The following PTH2R variants were observed in gnomAD, a reference collection of about 807,000 sequenced individuals.
The protein encoded by PTH2R is parathyroid hormone 2 receptor.
Under a neutral mutation model 60.3 loss-of-function variants are expected in PTH2R, and 59 were observed. That is an observed-to-expected ratio of 0.98 (90% CI 0.79 to 1.22). The LOEUF (loss-of-function observed/expected upper bound fraction) is 1.22. Among genes scored for constraint, PTH2R ranks in the 50% most tolerant of loss-of-function variants. PTH2R has a pLI of 0.00. For synonymous variants in PTH2R, 256 were observed against 243.8 expected (o/e 1.05, Z -0.47); for missense variants, 749 against 682.6 (o/e 1.10, Z -1.08).
chr2:208,488,046 G>T (rs1265292878), intron 10 of PTH2R, among the ~76,000 whole-genome samples: 2 of 152,136 alleles, frequency 1.3e-5, no homozygotes, highest in Non-Finnish European at 2.9e-5. Context: ...ATAGCAGGAG[G>T]GGGGATCATG....
intron 1 of PTH2R, among the ~76,000 whole-genome samples, chr2:208,414,293 A>G (rs1701596471): frequency 6.6e-6 from 1 of 152,220 alleles, no homozygotes; most frequent in Non-Finnish European, 1.5e-5. Flanking sequence ...GTCAAAAGCA[A>G]CTAAAAGTGG....
At chr2:208,427,992 A>AT (rs949566943) in intron 1 of PTH2R, among the ~76,000 whole-genome samples, 2 of 151,846 alleles carry the variant, frequency 1.3e-5, no homozygotes, top group African/African-American at 2.4e-5. Context: ...CTGGTATGAG[A>AT]TTTTTTAAAA....
At chr2:208,474,379 G>A (rs1232047251) in intron 9 of PTH2R, among the ~76,000 whole-genome samples, 3 of 152,126 alleles carry the variant, frequency 2.0e-5, no homozygotes, top group Admixed American at 6.5e-5. Flanking sequence ...TCTTTCTGAC[G>A]CCATCATGAA....
intron 1 of PTH2R, among the ~76,000 whole-genome samples, chr2:208,369,567 T>C (rs986753559): frequency 6.6e-6 from 1 of 151,962 alleles, no homozygotes; most frequent in African/African-American, 2.4e-5. Context: ...GATTTCTCCA[T>C]GTTGGCCAGG....
In PTH2R at chr2:208,363,524, A is replaced by T. The variant is rs186148949; in HGVS notation, c.-259+3287A>T. On this transcript the variant is annotated intron_variant, in intron 1 of 12. Coordinates refer to the PTH2R transcript ENST00000617735. ...CAGAACAATTTACATTTCTTTGGGT[A>T]TATATCCAGTAATGGGGTTGCTAGG... is the stretch of plus-strand genomic sequence containing the variant. Among the ~76,000 whole-genome samples, 587 of 152,298 alleles carry T rather than the reference A, an allele frequency of 3.9e-3. 3 individuals carry two copies. The highest frequency in any genetic ancestry group is 9.4e-3 in the Admixed American group (144 of 15,304).
At chr2:208,450,848 G>T in intron 8 of PTH2R, 39 bp downstream of exon 8, 1 of 1,599,894 alleles carries the variant, frequency 6.3e-7, no homozygotes, top group Admixed American at 1.7e-5. Flanking sequence ...AACCTCAGAT[G>T]TTCTCAAGAC....
rs529786823 is a variant in PTH2R, at chr2:208,432,993, C to T, written c.179-4544C>T. Reference sequence around the variant, plus strand: ...AGAGACACCCAGAAACAGTACTTTGCCAACTATCTAGGCATCTTTCAATCC... The same window carrying T: ...AGAGACACCCAGAAACAGTACTTTGTCAACTATCTAGGCATCTTTCAATCC... On this transcript the variant is annotated intron_variant, in intron 2 of 12. Transcript: ENST00000272847. Among the ~76,000 whole-genome samples, 45 of 152,240 alleles carry T rather than the reference C, an allele frequency of 3.0e-4. No individual in the cohort carries two copies. The South Asian group carries it at 9.3e-3, about 32-fold the overall frequency.
intron 1 of PTH2R, among the ~76,000 whole-genome samples, chr2:208,418,153 A>G (rs937580344): frequency 6.6e-6 from 1 of 152,164 alleles, no homozygotes; most frequent in Non-Finnish European, 1.5e-5. Context: ...ATAGCTATCA[A>G]AAATAAAATA....
chr2:208,451,350 A>G (rs1022086871), intron 8 of PTH2R, among the ~76,000 whole-genome samples: 1 of 152,152 alleles, frequency 6.6e-6, no homozygotes, highest in Non-Finnish European at 1.5e-5. Flanking sequence ...GTAGCTTCTG[A>G]ATTAGCCTGC....
chr2:208,432,442 C>G (rs1419725454), intron 2 of PTH2R, among the ~76,000 whole-genome samples: 1 of 152,082 alleles, frequency 6.6e-6, no homozygotes, highest in Non-Finnish European at 1.5e-5. Flanking sequence ...GAATAATTAT[C>G]TCATCTTAAA....
chr2:208,464,995 A>G (rs1416053570), intron 9 of PTH2R, among the ~76,000 whole-genome samples: 3 of 151,912 alleles, frequency 2.0e-5, no homozygotes, highest in Admixed American at 1.3e-4. Flanking sequence ...TGTTTTTTTG[A>G]GACAGGATCT....
At chr2:208,367,999 T>A (rs1445610349) in intron 1 of PTH2R, among the ~76,000 whole-genome samples, 1 of 124,156 alleles carries the variant, frequency 8.1e-6, no homozygotes, top group African/African-American at 2.8e-5. Flanking sequence ...ATGCCTTGAA[T>A]CAATTTTATT....
intron 1 of PTH2R, among the ~76,000 whole-genome samples, chr2:208,363,201 C>T (rs368435208): frequency 6.6e-6 from 1 of 151,918 alleles, no homozygotes; most frequent in Non-Finnish European, 1.5e-5. Context: ...TGAAGTAGGC[C>T]CCAGTGTTTA....
intron 1 of PTH2R, among the ~76,000 whole-genome samples, chr2:208,368,220 T>C (rs986346991): frequency 2.0e-5 from 3 of 152,170 alleles, no homozygotes; most frequent in African/African-American, 7.2e-5. Context: ...TTGACAATCT[T>C]TTTTACCTAT....
chr2:208,371,195 T>C (rs1391507152), intron 1 of PTH2R, among the ~76,000 whole-genome samples: 1 of 151,984 alleles, frequency 6.6e-6, no homozygotes, highest in Admixed American at 6.5e-5. Context: ...ATTCAAACCA[T>C]ATCACCACCA....
chr2:208,481,297 G>A (rs1211874994), intron 10 of PTH2R, 133 bp downstream of exon 10: 18 of 227,382 alleles, frequency 7.9e-5, no homozygotes, highest in African/African-American at 4.7e-4. Context: ...CGGCTCACTC[G>A]CCTCCCGGGT....
chr2:208,374,848 C>A (rs981955838), intron 1 of PTH2R, among the ~76,000 whole-genome samples: 1 of 152,054 alleles, frequency 6.6e-6, no homozygotes, highest in Non-Finnish European at 1.5e-5. Context: ...CAGGAAAGAC[C>A]TTCACTCATT....
At position 208,406,850 on chromosome 2, in the gene PTH2R, A is replaced by C; in HGVS notation, c.-194A>C. The C allele has an allele frequency of 2.4e-6, 1 of 409,142 alleles. No individual in the cohort carries two copies. Among genetic ancestry groups the C allele is most frequent in the Non-Finnish European group, 4.3e-6 (1 of 232,768 alleles). The allele number at this position is 409,142 out of a possible 1,614,324, so 25.3% of individuals were successfully genotyped here. A position where few individuals can be genotyped will look rare whatever the true frequency, so the allele number is the denominator to read the frequency against. The stretch of plus-strand genomic sequence containing the variant: ...CAACCTCGCGCCGCGGCGCAGCAGC[A>C]CGCGGGTTCTGAGAAGCGCGTGGCT... On this transcript the variant is annotated 5_prime_UTR_variant, in exon 1 of 13. Coordinates refer to ENST00000272847, the MANE Select transcript of PTH2R (RefSeq NM_005048.4).
At chr2:208,450,917 G>A in intron 8 of PTH2R, 108 bp downstream of exon 8, 1 of 1,253,532 alleles carries the variant, frequency 8.0e-7, no homozygotes. Flanking sequence ...TGCTTTTTAG[G>A]GATGCCACAA....
Sources: allele counts gnomAD v4.1 joint callset (sites outside exome capture counted in the v4.1 genomes callset), GRCh38; gene constraint gnomAD v4.1.1; transcripts MANE v1.5; gene names NCBI Gene and HGNC (gene_info 2026-07-23, HGNC 2026-07-21).